GRIK2: variants seen among roughly 807,000 people sequenced by gnomAD.
GRIK2 encodes glutamate receptor ionotropic, kainate 2.
GRIK2 carries 32 observed loss-of-function variants against 100.3 expected under a neutral mutation model. The observed-to-expected ratio is 0.32, with a 90% CI of 0.24 to 0.43. GRIK2 has a LOEUF of 0.43. Among genes scored for constraint, GRIK2 ranks in the 20% least tolerant of loss-of-function variants. The pLI, the probability that GRIK2 is intolerant of heterozygous loss-of-function variation, is 1.00. For missense variants in GRIK2, 843 were observed against 1,114.9 expected, an observed-to-expected ratio of 0.76 and a Z score of 3.47; for synonymous variants, 417 against 389.4, an observed-to-expected ratio of 1.07 and a Z score of -0.83.
intron 7 of GRIK2, among the ~76,000 whole-genome samples, chr6:101,734,202 A>G (rs556918562): frequency 4.4e-4 from 67 of 152,276 alleles, no homozygotes; most frequent in Non-Finnish European, 5.9e-5. Context: ...AGTACAAGAA[A>G]CTGACTCAAG....
chr6:101,592,588 C>CATATATATATATATATATATAT lies in GRIK2; in HGVS notation c.116-29346_116-29325dup, dbSNP rs3056161. On this transcript the variant is annotated intron_variant, in intron 2 of 16. Transcript: ENST00000369134. ...TCATGGGATAGAATTACTAATATCA[C>CATATATATATATATATATATAT]ATATATATATATATATATATATATA... is the stretch of plus-strand genomic sequence containing the variant. 4.8e-3 allele frequency among the ~76,000 whole-genome samples: 490 copies of CATATATATATATATATATATAT among 101,798 alleles called. 8 individuals are homozygous for CATATATATATATATATATATAT. The highest frequency in any genetic ancestry group is 7.0e-3 in the East Asian group (22 of 3,140). 66.8% of individuals were successfully genotyped at this position (101,798 alleles called of 152,430 possible).
intron 15 of GRIK2, among the ~76,000 whole-genome samples, chr6:102,046,480 T>C (rs1200671133): frequency 6.6e-6 from 1 of 151,986 alleles, no homozygotes; most frequent in African/African-American, 2.4e-5. Context: ...GGTTAAAAAG[T>C]GTGACACTTC....
intron 12 of GRIK2, among the ~76,000 whole-genome samples, chr6:101,917,914 C>A (rs947035952): frequency 2.7e-5 from 4 of 150,736 alleles, no homozygotes; most frequent in African/African-American, 9.7e-5. Flanking sequence ...AAAAAAAAAA[C>A]TTTGTATTCC....
chr6:101,416,112 G>T (rs1451053424), intron 2 of GRIK2, among the ~76,000 whole-genome samples: 1 of 152,152 alleles, frequency 6.6e-6, no homozygotes, highest in Non-Finnish European at 1.5e-5. Context: ...TTCAAGGGTG[G>T]TTGGACCCCT....
intron 2 of GRIK2, among the ~76,000 whole-genome samples, chr6:101,601,905 G>A (rs1779231864): frequency 6.6e-6 from 1 of 151,448 alleles, no homozygotes. Flanking sequence ...GATTTTTTAT[G>A]TATGGGCTTT....
chr6:101,592,615 A>ATATATATATATG (rs887154272), intron 2 of GRIK2, among the ~76,000 whole-genome samples: 102 of 127,784 alleles, frequency 8.0e-4, no homozygotes, highest in African/African-American at 3.2e-3. Context: ...ATATATATAT[A>ATATATATATATG]TATATATATT....
At position 101,695,343 on chromosome 6, in the gene GRIK2, G is replaced by A. The variant is rs550300911; in HGVS notation, c.951+8990G>A. Among the ~76,000 whole-genome samples, 47 of 152,068 alleles carry A rather than the reference G, an allele frequency of 3.1e-4. 1 individual carries two copies. Among genetic ancestry groups the A allele is most frequent in the Non-Finnish European group, 1.5e-5 (1 of 68,004 alleles). ...ATAATGTTGCTAATCTCTTTCATGA[G>A]TGCTTAATGCAGTGATGATGACTTA... On this transcript the variant is annotated intron_variant, in intron 7 of 16. Coordinates refer to ENST00000369134, the MANE Select transcript of GRIK2 (RefSeq NM_021956.5).
chr6:101,961,369 G>A (rs1050119394), intron 14 of GRIK2, among the ~76,000 whole-genome samples: 5 of 152,062 alleles, frequency 3.3e-5, no homozygotes, highest in Non-Finnish European at 7.4e-5. Flanking sequence ...ATTCTTGCAA[G>A]CTGGGCTAAT....
intron 11 of GRIK2, among the ~76,000 whole-genome samples, chr6:101,882,613 T>C (rs1786333274): frequency 6.6e-6 from 1 of 152,068 alleles, no homozygotes; most frequent in Admixed American, 6.6e-5. Context: ...GAGGGAAATC[T>C]CTGAATTTTA....
chr6:101,797,310 T>G (rs1292562940), intron 7 of GRIK2, among the ~76,000 whole-genome samples: 1 of 152,032 alleles, frequency 6.6e-6, no homozygotes. Flanking sequence ...TATTTTATTG[T>G]GTTTTCTTGT....
At chr6:101,826,776 A>C (rs1782361608) in intron 10 of GRIK2, among the ~76,000 whole-genome samples, 1 of 151,506 alleles carries the variant, frequency 6.6e-6, no homozygotes, top group South Asian at 2.1e-4. Flanking sequence ...ATTTAATAGC[A>C]TACCATTTAA....
chr6:101,755,525 A>G (rs1777084485), intron 7 of GRIK2, among the ~76,000 whole-genome samples: 1 of 151,982 alleles, frequency 6.6e-6, no homozygotes. Flanking sequence ...AATCTTTTCT[A>G]CCTAGTCTAG....
At chr6:101,395,124 A>G (rs1452386747) in intron 1 of GRIK2, among the ~76,000 whole-genome samples, 1 of 152,238 alleles carries the variant, frequency 6.6e-6, no homozygotes, top group African/African-American at 2.4e-5. Context: ...CACAGCATGC[A>G]TAGTTAAGAA....
At position 101,959,170 on chromosome 6, in the gene GRIK2, A is replaced by G. The variant is rs978651882; in HGVS notation, c.2085+30538A>G. Among the ~76,000 whole-genome samples, 6 of 152,112 alleles carry G rather than the reference A, an allele frequency of 3.9e-5. No individual in the cohort carries two copies. The South Asian group carries it at 6.2e-4, about 16-fold the overall frequency. On this transcript the variant is annotated intron_variant, in intron 14 of 16. Transcript: ENST00000369134. ...TATAGTAAAATTTATACTGGTATCA[A>G]TGGCTTCATGTGGCAATCATATGGC...
chr6:101,993,419 T>C (rs933125239), intron 14 of GRIK2: 3 of 151,474 alleles, frequency 2.0e-5, no homozygotes, highest in African/African-American at 4.8e-5. Context: ...TTTTAAGATG[T>C]ACTTACTATT....
intron 12 of GRIK2, among the ~76,000 whole-genome samples, chr6:101,902,093 GA>G (rs1371004150): frequency 2.6e-5 from 4 of 152,060 alleles, no homozygotes; most frequent in African/African-American, 7.2e-5. Context: ...CTATGGCAGT[GA>G]AAAGGGCTTT....
chr6:101,527,114 G>T (rs1775194160), intron 2 of GRIK2, among the ~76,000 whole-genome samples: 1 of 152,130 alleles, frequency 6.6e-6, no homozygotes, highest in Non-Finnish European at 1.5e-5. Context: ...CATATTAAAG[G>T]TTGCAGGGAG....
intron 5 of GRIK2, among the ~76,000 whole-genome samples, chr6:101,679,106 G>A (rs1023421867): frequency 1.3e-5 from 2 of 151,874 alleles, no homozygotes; most frequent in African/African-American, 4.8e-5. Context: ...TCTATCACAG[G>A]GAAAAAATAG....
chr6:101,906,704 A>G (rs1043859924), intron 12 of GRIK2, among the ~76,000 whole-genome samples: 7 of 151,666 alleles, frequency 4.6e-5, no homozygotes, highest in Non-Finnish European at 7.4e-5. Context: ...TCCTAATGGT[A>G]TATTTGTCTA....
Sources: gnomAD v4.1 joint callset for allele counts (sites outside exome capture counted in the v4.1 genomes callset) on GRCh38, gnomAD v4.1.1 for gene constraint, MANE v1.5 for transcripts, NCBI Gene and HGNC (gene_info 2026-07-23, HGNC 2026-07-21) for gene names.